RBM4: variants seen among roughly 807,000 people sequenced by gnomAD.
The protein encoded by RBM4 is RNA binding motif protein 4, also known as RNA-binding protein 4.
In RBM4, 7 loss-of-function variants were observed where a neutral mutation model predicts 29.5. The observed-to-expected ratio is 0.24, with a 90% CI of 0.14 to 0.45. The LOEUF is 0.45. Among genes scored for constraint, RBM4 ranks in the 20% least tolerant of loss-of-function variants. The pLI, the probability that RBM4 is intolerant of heterozygous loss-of-function variation, is 1.00. For missense variants in RBM4, 387 were observed against 502.3 expected (o/e 0.77, Z 2.19); for synonymous variants, 220 against 205.4 (o/e 1.07, Z -0.61).
At chr11:66,657,952 T>C (rs2135087162) in intron 2 of RBM4, among the ~76,000 whole-genome samples, 1 of 152,246 alleles carries the variant, frequency 6.6e-6, no homozygotes, top group Admixed American at 6.5e-5. Context: ...ACTCCTGAGC[T>C]CTAGCCATTT....
At chr11:66,657,994 A>G (rs1938984778) in intron 2 of RBM4, among the ~76,000 whole-genome samples, 1 of 152,038 alleles carries the variant, frequency 6.6e-6, no homozygotes, top group African/African-American at 2.4e-5. Flanking sequence ...TGCTGGGATT[A>G]CAGGCGTGAG....
intron 2 of RBM4, among the ~76,000 whole-genome samples, chr11:66,654,895 G>A (rs1487301119): frequency 6.6e-6 from 1 of 151,154 alleles, no homozygotes; most frequent in Non-Finnish European, 1.5e-5. Context: ...CGCCATTTCG[G>A]CTCACTACAA....
chr11:66,656,998 G>T (rs1448426584), intron 2 of RBM4, among the ~76,000 whole-genome samples: 3 of 151,476 alleles, frequency 2.0e-5, no homozygotes, highest in Non-Finnish European at 4.4e-5. Context: ...GTAACTGATG[G>T]TTACAATCTT....
At chr11:66,659,263 C>CTTTTT (rs767959263) in intron 2 of RBM4, among the ~76,000 whole-genome samples, 117 of 67,328 alleles carry the variant, frequency 1.7e-3, no homozygotes, top group Middle Eastern at 0.019. Flanking sequence ...CTTCTTGGTT[C>CTTTTT]TTTTTTTTTT....
downstream of RBM4, among the ~76,000 whole-genome samples, chr11:66,646,651 G>A (rs1379034471): frequency 6.6e-6 from 1 of 152,142 alleles, no homozygotes; most frequent in East Asian, 1.9e-4. Flanking sequence ...AGCCCAGGCA[G>A]GCAGCCTTAT....
At chr11:66,658,337 C>CTTTTTTTTT (rs35133059) in intron 2 of RBM4, among the ~76,000 whole-genome samples, 4 of 50,466 alleles carry the variant, frequency 7.9e-5, no homozygotes, top group Non-Finnish European at 1.3e-4. Flanking sequence ...CTAGTCTGAC[C>CTTTTTTTTT]TTTTTTTTTT....
chr11:66,640,461 C>T (rs1335608855), intron 2 of RBM4: 5 of 467,762 alleles, frequency 1.1e-5, no homozygotes, highest in African/African-American at 9.9e-5. Context: ...TTCAGAGTTC[C>T]TCACTCTGAA....
At chr11:66,660,794 C>G (rs530369718) in intron 2 of RBM4, among the ~76,000 whole-genome samples, 2 of 152,108 alleles carry the variant, frequency 1.3e-5, no homozygotes, top group South Asian at 4.1e-4. Flanking sequence ...GCTGGGACTA[C>G]AGGCATGTGC....
chr11:66,639,995 G>A lies in RBM4; in HGVS notation c.284G>A (p.Arg95Gln). The A allele has an allele frequency of 6.2e-7, 1 of 1,614,138 alleles. No individual in the cohort carries two copies. Among genetic ancestry groups the A allele is most frequent in the Non-Finnish European group, 8.5e-7 (1 of 1,180,038 alleles). The stretch of plus-strand genomic sequence containing the variant: ...CCCACCTGCACCAATAAGGAGCTTC[G>A]AGCCAAGTTTGAGGAGTATGGTCCG... The part of the protein sequence containing the change: ...ISPTCTNKEL[R>Q]AKFEEYGPVI... Residue 95 changes from arginine (R) to glutamine (Q), a missense_variant, in exon 2 of 4, where the codon CGA (arginine) becomes CAA (glutamine). Physicochemically the swap from Arg to Gln is conservative, Grantham distance 43. Transcript: ENST00000310092.
intron 2 of RBM4, among the ~76,000 whole-genome samples, chr11:66,662,191 A>G (rs1478901881): frequency 6.6e-6 from 1 of 152,192 alleles, no homozygotes; most frequent in African/African-American, 2.4e-5. Context: ...AGCTACATGT[A>G]GCTAATTATA....
chr11:66,653,623 A>G (rs998098986), intron 2 of RBM4, among the ~76,000 whole-genome samples: 3 of 152,118 alleles, frequency 2.0e-5, no homozygotes, highest in Admixed American at 2.0e-4. Context: ...TGGCCTCCCA[A>G]AGTGTTGGGA....
intron 2 of RBM4, among the ~76,000 whole-genome samples, chr11:66,642,272 C>T (rs1373379785): frequency 6.6e-6 from 1 of 152,182 alleles, no homozygotes; most frequent in Admixed American, 6.5e-5. Context: ...TGTTGACTCT[C>T]CCTTGCTTTT....
chr11:66,660,149 T>TA (rs1454030575), intron 2 of RBM4, among the ~76,000 whole-genome samples: 2 of 149,600 alleles, frequency 1.3e-5, no homozygotes, highest in Non-Finnish European at 3.0e-5. Flanking sequence ...TTTTTTTTTT[T>TA]AAATCTGAAG....
chr11:66,642,330 A>G (rs369243284), intron 2 of RBM4, among the ~76,000 whole-genome samples: 3 of 152,232 alleles, frequency 2.0e-5, no homozygotes, highest in East Asian at 3.9e-4. Flanking sequence ...ATCATAACCA[A>G]TTGCATTGGG....
At position 66,643,456 on chromosome 11, in the gene RBM4, G is replaced by C; in HGVS notation, c.419G>C (p.Arg140Pro). 1 of 1,605,282 alleles carries C rather than the reference G, an allele frequency of 6.2e-7. No individual in the cohort carries two copies. Residue 140 changes from arginine to proline, a missense_variant, in exon 3 of 4, where the codon CGA (arginine) becomes CCA (proline). By Grantham distance (103) the Arg-to-Pro change is moderately radical (BLOSUM62 -2). Transcript: ENST00000310092. The surrounding 1 kb of genome is among the most constrained non-coding windows in gnomAD (Gnocchi z 6.1). ...TTGCGTCTGTTTCTTCAAGGCAAAC[G>C]AATGCACGTGCAGTTGTCCACCAGC... ...GLDNTEFQGKRMHVQLSTSRL... is the reference protein window; with the variant it reads ...GLDNTEFQGKPMHVQLSTSRL...
intron 2 of RBM4, among the ~76,000 whole-genome samples, chr11:66,654,085 G>A (rs1269827319): frequency 6.6e-6 from 1 of 152,010 alleles, no homozygotes; most frequent in East Asian, 1.9e-4. Flanking sequence ...AGAGTGCCAT[G>A]GTGTTATCTA....
chr11:66,646,580 G>T, downstream of RBM4: 8 of 982,444 alleles, frequency 8.1e-6, no homozygotes, highest in Non-Finnish European at 9.7e-6. Flanking sequence ...GAACGTCACT[G>T]TAGTTATTTT....
At position 66,639,966 on chromosome 11, in the gene RBM4, C is replaced by T; in HGVS notation, c.255C>T (p.Ile85=). Residue 85 remains isoleucine, a synonymous_variant, in exon 2 of 4, where the codon ATC becomes ATT. Coordinates refer to ENST00000310092, the MANE Select transcript of RBM4 (RefSeq NM_002896.4). The part of the protein sequence containing the change: ...KTSTKLHVGN[I]SPTCTNKELR... ...CAACAAAGTTGCATGTGGGCAACAT[C>T]AGTCCCACCTGCACCAATAAGGAGC... 6.2e-7 allele frequency: 1 copy of T among 1,614,202 alleles called. No homozygotes were observed. Among genetic ancestry groups the T allele is most frequent in the Non-Finnish European group, 8.5e-7 (1 of 1,180,042 alleles).
At chr11:66,662,900 G>A (rs748047345) in intron 2 of RBM4, among the ~76,000 whole-genome samples, 24 of 152,226 alleles carry the variant, frequency 1.6e-4, no homozygotes, top group African/African-American at 4.6e-4. Context: ...GAATACTGAC[G>A]CTAACATGAG....
Sources: gnomAD v4.1 joint callset for allele counts (sites outside exome capture counted in the v4.1 genomes callset) on GRCh38, gnomAD v4.1.1 for gene constraint, Gnocchi (gnomAD v3.1) non-coding constraint, MANE v1.5 for transcripts, NCBI Gene and HGNC (gene_info 2026-07-23, HGNC 2026-07-21) for gene names.